Variants in GMDS observed in about 807,000 individuals in gnomAD.
The protein encoded by GMDS is GDP-mannose 4,6-dehydratase.
GMDS carries 20 observed loss-of-function variants against 49.9 expected under a neutral mutation model. The ratio of observed to expected loss-of-function variants is 0.40; its 90% CI spans 0.28 to 0.58. GMDS has a LOEUF of 0.58. Among genes scored for constraint, GMDS ranks in the 20% least tolerant of loss-of-function variants. The pLI is 0.42. For synonymous variants in GMDS, 177 were observed against 178.6 expected, an observed-to-expected ratio of 0.99 and a Z score of 0.07; for missense variants, 362 against 481.4, an observed-to-expected ratio of 0.75 and a Z score of 2.32.
intron 4 of GMDS, among the ~76,000 whole-genome samples, chr6:2,034,479 G>T (rs1769167252): frequency 6.6e-6 from 1 of 152,292 alleles, no homozygotes; most frequent in Non-Finnish European, 1.5e-5. Context: ...AATTCACTGT[G>T]ATGATAGTTA....
chr6:1,730,438 G>C (rs1314536348), intron 8 of GMDS, among the ~76,000 whole-genome samples: 1 of 152,134 alleles, frequency 6.6e-6, no homozygotes, highest in African/African-American at 2.4e-5. Flanking sequence ...ACTTGCAGAA[G>C]TTCCCAAATG....
intron 4 of GMDS, among the ~76,000 whole-genome samples, chr6:1,988,206 T>C (rs1447391869): frequency 2.0e-5 from 3 of 152,232 alleles, no homozygotes; most frequent in Non-Finnish European, 4.4e-5. Context: ...GTGGTTGTGA[T>C]TTAGAATCAG....
intron 7 of GMDS, among the ~76,000 whole-genome samples, chr6:1,874,363 A>C (rs1758927768): frequency 6.6e-6 from 1 of 152,170 alleles, no homozygotes; most frequent in Admixed American, 6.5e-5. Context: ...GTAAAAAGAG[A>C]GTTGGTCCCC....
Position 1,833,078 on chromosome 6 carries a change from G to A in GMDS, c.772-90492C>T, listed in dbSNP as rs558579774. ...ACACAAAGGACGGAAAATTGCTGGC[G>A]CCGCTGGACCTGTGCCCAGCTCACC... On this transcript the variant is annotated intron_variant, in intron 7 of 10. Transcript: ENST00000380815. This position sits in a 1 kb window ranked among gnomAD's most constrained non-coding sequence, Gnocchi z 4.4. Among the ~76,000 whole-genome samples, 9 of 151,390 alleles carry A rather than the reference G, an allele frequency of 5.9e-5. No individual in the cohort carries two copies. The highest frequency in any genetic ancestry group is 2.6e-4 in the Admixed American group (4 of 15,222).
At chr6:1,677,083 G>A (rs1764648773) in intron 9 of GMDS, among the ~76,000 whole-genome samples, 1 of 152,108 alleles carries the variant, frequency 6.6e-6, no homozygotes, top group South Asian at 2.1e-4. Context: ...AAATTTACAA[G>A]AAAAAATCAA....
chr6:2,168,017 A>C (rs996388275), intron 1 of GMDS, among the ~76,000 whole-genome samples: 1 of 152,234 alleles, frequency 6.6e-6, no homozygotes, highest in Non-Finnish European at 1.5e-5. Flanking sequence ...AAATTCCTTT[A>C]AAGTGAAAGT....
intron 6 of GMDS, among the ~76,000 whole-genome samples, chr6:1,946,172 T>C (rs1763067553): frequency 1.3e-5 from 2 of 151,902 alleles, no homozygotes; most frequent in Admixed American, 6.6e-5. Context: ...GGAAGAATGG[T>C]CTTGAGGAAA....
intron 6 of GMDS, among the ~76,000 whole-genome samples, chr6:1,951,563 AT>A (rs1339732445): frequency 1.3e-5 from 2 of 151,960 alleles, no homozygotes; most frequent in African/African-American, 4.8e-5. Context: ...TTAATGTTTT[AT>A]TTTTTATTTT....
chr6:2,206,440 T>C (rs1779811559), intron 1 of GMDS, among the ~76,000 whole-genome samples: 1 of 152,104 alleles, frequency 6.6e-6, no homozygotes, highest in Admixed American at 6.5e-5. Flanking sequence ...CCTTCATAGG[T>C]CTACTTGTCT....
At chr6:1,743,498 G>C (rs901588889) in intron 7 of GMDS, among the ~76,000 whole-genome samples, 9 of 139,286 alleles carry the variant, frequency 6.5e-5, no homozygotes, top group East Asian at 2.3e-4. Context: ...AGCCGAGATC[G>C]CGCCACTGCA....
At chr6:2,105,010 G>A (rs1454749922) in intron 4 of GMDS, among the ~76,000 whole-genome samples, 3 of 151,448 alleles carry the variant, frequency 2.0e-5, no homozygotes, top group South Asian at 2.1e-4. Context: ...GTGAAACCCC[G>A]TCTCTACCAA....
Position 1,727,655 on chromosome 6 carries a change from T to C in GMDS, c.891-1143A>G, listed in dbSNP as rs150627770. Among the ~76,000 whole-genome samples the C allele has an allele frequency of 9.2e-5, 14 of 152,248 alleles. No individual in the cohort carries two copies. In the East Asian group the frequency reaches 1.2e-3, roughly 13 times the overall value. On this transcript the variant is annotated intron_variant, in intron 8 of 10. Coordinates refer to ENST00000380815, the MANE Select transcript of GMDS (RefSeq NM_001500.4). ...ATTAAATGTTGATCCCAGTTATATT[T>C]TGGAATAGGTTGAGAATTAAAGACA...
intron 4 of GMDS, among the ~76,000 whole-genome samples, chr6:2,115,141 C>T (rs572015988): frequency 8.5e-5 from 13 of 152,218 alleles, no homozygotes; most frequent in South Asian, 2.1e-4. Context: ...CAGGAGGACA[C>T]GGCAACAAAA....
intron 9 of GMDS, among the ~76,000 whole-genome samples, chr6:1,647,587 A>T (rs1260532399): frequency 6.6e-6 from 1 of 152,242 alleles, no homozygotes; most frequent in Non-Finnish European, 1.5e-5. Flanking sequence ...CTAATGAACA[A>T]GGTCAAGGGG....
chr6:1,759,302 T>C (rs1234775508), intron 7 of GMDS, among the ~76,000 whole-genome samples: 1 of 152,184 alleles, frequency 6.6e-6, no homozygotes, highest in Non-Finnish European at 1.5e-5. Context: ...GGTGTTGTCA[T>C]TCAATTCCAC....
rs181108769 is a variant in GMDS, at chr6:1,717,081, C to T, written c.987+9335G>A. On this transcript the variant is annotated intron_variant, in intron 9 of 10. Transcript: ENST00000380815. ...CAAGTGATTAACTCAGTATTCCCTG[C>T]CAAGAGAAAATCTCACTGTCCAAGA... Among the ~76,000 whole-genome samples the T allele has an allele frequency of 4.0e-3, 612 of 152,330 alleles. 4 individuals carry two copies. Among genetic ancestry groups the T allele is most frequent in the Non-Finnish European group, 6.7e-3 (456 of 68,034 alleles).
chr6:2,118,005 G>A (rs985540178), intron 2 of GMDS, among the ~76,000 whole-genome samples: 1 of 152,212 alleles, frequency 6.6e-6, no homozygotes, highest in African/African-American at 2.4e-5. Context: ...TGCATCTACT[G>A]TATGTATTTC....
At chr6:2,059,707 C>CAAAAAAA (rs35230658) in intron 4 of GMDS, among the ~76,000 whole-genome samples, 5,661 of 17,694 alleles carry the variant, frequency 0.32, 1,832 homozygotes, top group East Asian at 0.53. Flanking sequence ...GACTCCGTCT[C>CAAAAAAA]AAAAAAAAAA....
At chr6:1,974,223 C>T (rs531247311) in intron 4 of GMDS, among the ~76,000 whole-genome samples, 1 of 150,862 alleles carries the variant, frequency 6.6e-6, no homozygotes, top group African/African-American at 2.4e-5. Context: ...CATGAGATAC[C>T]TACATGTTTC....
Sources: allele counts gnomAD v4.1 joint callset (sites outside exome capture counted in the v4.1 genomes callset), GRCh38; gene constraint gnomAD v4.1.1; non-coding constraint Gnocchi (gnomAD v3.1); transcripts MANE v1.5; gene names NCBI Gene and HGNC (gene_info 2026-07-23, HGNC 2026-07-21).